Variants in PNPLA6 observed in about 807,000 individuals in gnomAD.
The protein encoded by PNPLA6 is patatin-like phospholipase domain-containing protein 6.
A neutral mutation model predicts 153.7 loss-of-function variants in PNPLA6; 105 were observed. That is an observed-to-expected ratio of 0.68 (90% CI 0.58 to 0.80). PNPLA6 has a LOEUF of 0.80. PNPLA6 is among the 30% of genes least tolerant of loss of function. The pLI, the probability that PNPLA6 is intolerant of heterozygous loss-of-function variation, is 0.00. For synonymous variants in PNPLA6, 825 were observed against 822.2 expected (o/e 1.00, Z -0.06); for missense variants, 1,423 against 1,919.3 (o/e 0.74, Z 4.83).
In PNPLA6 at chr19:7,542,829, G is replaced by A. The variant is rs773018957; in HGVS notation, c.1431G>A (p.Ser477=). 17 of 1,612,958 alleles carry A rather than the reference G, an allele frequency of 1.1e-5. No individual in the cohort carries two copies. Among genetic ancestry groups the A allele is most frequent in the East Asian group, 4.5e-5 (2 of 44,878 alleles). ...AATACAGCTACTGTGAGGATGAGTC[G>A]GCCACTGGTGGCTGCCCTTTCGGGC... ...ACEYSYCEDE[S]ATGGCPFGPY... The change falls in exon 12 of 32, where the codon TCG becomes TCA. Residue 477 remains serine (S), a synonymous_variant. Coordinates refer to ENST00000600737, the MANE Select transcript of PNPLA6 (RefSeq NM_001166114.2).
rs1283428626 is a variant in PNPLA6, at chr19:7,540,378, T to C, written c.714+70T>C. 2 of 1,507,590 alleles carry C rather than the reference T, an allele frequency of 1.3e-6. No individual in the cohort carries two copies. Among genetic ancestry groups the C allele is most frequent in the Non-Finnish European group, 9.0e-7 (1 of 1,115,980 alleles). 93.4% of individuals were successfully genotyped at this position (1,507,590 alleles called of 1,614,324 possible). On this transcript the variant is annotated intron_variant, in intron 5 of 31. Transcript: ENST00000600737. This position sits in a 1 kb window ranked among gnomAD's most constrained non-coding sequence, Gnocchi z 6.8. ...GGGATGGGCAGCAGGCATTGGTCTG[T>C]AGAGCTGGTGGTCTTTGGAGATGCG... is the stretch of plus-strand genomic sequence containing the variant.
At position 7,540,824 on chromosome 19, in the gene PNPLA6, T is replaced by C; in HGVS notation, c.796-99T>C. ...TCTGGTTCATCCGTTATGCTGCCGA[T>C]GGCCCCTCACGGGACTGGCGCCAGG... On this transcript the variant is annotated intron_variant, in intron 6 of 31. Transcript: ENST00000600737. This position sits in a 1 kb window ranked among gnomAD's most constrained non-coding sequence, Gnocchi z 6.8. 2 of 1,566,542 alleles carry C rather than the reference T, an allele frequency of 1.3e-6. No homozygotes were observed. The highest frequency in any genetic ancestry group is 1.8e-6 in the Non-Finnish European group (2 of 1,137,320).
rs150230845 is a variant in PNPLA6 at position 7,558,983 on chromosome 19, G to A, written c.3531G>A (p.Trp1177Ter). ...WWLLWKRLNP[W>*]ADKVKVPDMA... ...TGCTGTGGAAGCGGCTGAATCCCTGGGCTGACAAGGTAAAGGTTCCAGACA... is the reference window on the plus strand; with the variant it reads ...TGCTGTGGAAGCGGCTGAATCCCTGAGCTGACAAGGTAAAGGTTCCAGACA... Residue 1177 changes from tryptophan (W) to a stop codon, truncating the protein, a stop_gained, in exon 28 of 32, where the codon TGG becomes TGA. Transcript: ENST00000600737. LOFTEE classifies it high-confidence loss of function. 1 of 1,614,092 alleles carries A rather than the reference G, an allele frequency of 6.2e-7. No individual in the cohort carries two copies. Among genetic ancestry groups the A allele is most frequent in the Non-Finnish European group, 8.5e-7 (1 of 1,180,054 alleles).
At position 7,561,286 on chromosome 19, in the gene PNPLA6, A is replaced by T. The variant is rs771807857; in HGVS notation, c.3992A>T (p.Glu1331Val). Residue 1331 changes from glutamate to valine, a missense_variant, in exon 31 of 32, where the codon GAG (glutamate) becomes GTG (valine). Physicochemically the swap from Glu to Val is moderately radical, Grantham distance 121. Around this residue, in one of 10 missense-constraint regions of PNPLA6, gnomAD observed 643 missense variants for 835.2 expected, o/e 0.77. Coordinates refer to ENST00000600737, the MANE Select transcript of PNPLA6 (RefSeq NM_001166114.2). ...DCSRDEGGSP[E>V]GASPSTASEM... ...TCGAGGGATGAAGGGGGGTCCCCCG[A>T]GGGCGCAAGCCCCAGCACTGCCTCC... 4.4e-6 allele frequency: 7 copies of T among 1,608,356 alleles called. No homozygotes were observed. In the South Asian group the frequency reaches 7.8e-5, roughly 18 times the overall value.
intron 13 of PNPLA6, among the ~76,000 whole-genome samples, chr19:7,544,810 G>A (rs570745737): frequency 1.4e-4 from 21 of 152,266 alleles, no homozygotes; most frequent in African/African-American, 5.1e-4. Context: ...TGGAGAGGAA[G>A]TCAAGGCTTT....
At position 7,541,935 on chromosome 19, in the gene PNPLA6, C is replaced by A; in HGVS notation, c.1169-49C>A. 1 of 1,489,962 alleles carries A rather than the reference C, an allele frequency of 6.7e-7. No individual in the cohort carries two copies. Among genetic ancestry groups the A allele is most frequent in the Non-Finnish European group, 9.3e-7 (1 of 1,074,570 alleles). 92.3% of individuals were successfully genotyped at this position (1,489,962 alleles called of 1,614,324 possible). ...TCTCCTTATCTCCCAACCTGCTAAT[C>A]CTCCTAGTGGCTCTGAGGGGCAGGA... On this transcript the variant is annotated intron_variant, in intron 9 of 31. Coordinates refer to ENST00000600737, the MANE Select transcript of PNPLA6 (RefSeq NM_001166114.2). The surrounding 1 kb of genome is among the most constrained non-coding windows in gnomAD (Gnocchi z 5.2).
At chr19:7,550,956 C>G (rs2023616601) in intron 16 of PNPLA6, 38 bp from the exon 17 acceptor site, 1 of 1,424,380 alleles carries the variant, frequency 7.0e-7, no homozygotes, top group African/African-American at 1.4e-5. Flanking sequence ...TCCTCATTCC[C>G]CACCCAAGCA....
In PNPLA6 at chr19:7,540,755, C is replaced by G. The variant is rs374345971; in HGVS notation, c.795+45C>G. On this transcript the variant is annotated intron_variant, in intron 6 of 31. Transcript: ENST00000600737. This position sits in a 1 kb window ranked among gnomAD's most constrained non-coding sequence, Gnocchi z 6.8. ...GGCAGGGGGGCTGGGGTGCAAGGTC[C>G]CACCCAAGGGACTAGGTTGAAGGAA... The G allele has an allele frequency of 1.5e-5, 23 of 1,555,426 alleles. No individual in the cohort carries two copies. Among genetic ancestry groups the G allele is most frequent in the Non-Finnish European group, 2.0e-5 (23 of 1,126,526 alleles).
chr19:7,559,572 C>T (rs1467736180), intron 28 of PNPLA6, among the ~76,000 whole-genome samples: 2 of 152,166 alleles, frequency 1.3e-5, no homozygotes, highest in African/African-American at 4.8e-5. Flanking sequence ...GGCATGGTGG[C>T]TCATGCTTGT....
At position 7,557,263 on chromosome 19, in the gene PNPLA6, G is replaced by A. The variant is rs1204028385; in HGVS notation, c.3376G>A (p.Gly1126Ser). ...PKDGHLLMDG[G>S]YINNLPADIA... is the part of the protein sequence containing the mutation. ...GGACGGGCACCTACTCATGGATGGC[G>A]GCTACATCAACAATCTGCCAGGCAA... The change falls in exon 27 of 32, where the codon GGC becomes AGC. Residue 1126 changes from glycine (G) to serine (S), a missense_variant. Coordinates refer to ENST00000600737, the MANE Select transcript of PNPLA6 (RefSeq NM_001166114.2). The A allele has an allele frequency of 1.2e-6, 2 of 1,611,430 alleles. No homozygotes were observed. The highest frequency in any genetic ancestry group is 2.2e-5 in the East Asian group (1 of 44,878).
intron 18 of PNPLA6, among the ~76,000 whole-genome samples, chr19:7,553,399 A>T (rs1231375414): frequency 6.6e-6 from 1 of 152,132 alleles, no homozygotes; most frequent in African/African-American, 2.4e-5. Context: ...TTACAGGTGT[A>T]TGCCACCATG....
intron 13 of PNPLA6, among the ~76,000 whole-genome samples, chr19:7,549,400 A>G (rs924592879): frequency 1.9e-4 from 28 of 151,086 alleles, no homozygotes; most frequent in Non-Finnish European, 2.8e-4. Flanking sequence ...ATTAGCCAGG[A>G]TGGTCTCGAT....
At chr19:7,543,994 T>C (rs1051710954) in intron 13 of PNPLA6, among the ~76,000 whole-genome samples, 4 of 150,430 alleles carry the variant, frequency 2.7e-5, no homozygotes, top group Non-Finnish European at 5.9e-5. Context: ...TTTGTATTTT[T>C]ACTAGAGAGG....
Position 7,550,312 on chromosome 19 carries a change from A to T in PNPLA6, c.1829A>T (p.Gln610Leu). The change falls in exon 15 of 32, where the codon CAG becomes CTG. Residue 610 changes from glutamine (Q) to leucine (L), a missense_variant. Around this residue, in one of 10 missense-constraint regions of PNPLA6, gnomAD observed 119 missense variants for 163.7 expected, o/e 0.73. Coordinates refer to ENST00000600737, the MANE Select transcript of PNPLA6 (RefSeq NM_001166114.2). ...TGTTCCTGCAGGATCATGCGCGCAC[A>T]GCCCAGTGTGGTGCTGAGTGCGGCG... ...KSDFYEIMRA[Q>L]PSVVLSAAHT... The T allele has an allele frequency of 6.2e-7, 1 of 1,612,884 alleles. No individual in the cohort carries two copies. Among genetic ancestry groups the T allele is most frequent in the Non-Finnish European group, 8.5e-7 (1 of 1,180,048 alleles).
At position 7,550,659 on chromosome 19, in the gene PNPLA6, C is replaced by T; in HGVS notation, c.2070+19C>T. 6.2e-7 allele frequency: 1 copy of T among 1,609,224 alleles called. No individual in the cohort carries two copies. The highest frequency in any genetic ancestry group is 8.5e-7 in the Non-Finnish European group (1 of 1,179,400). On this transcript the variant is annotated intron_variant, in intron 16 of 31. Transcript: ENST00000600737. ...CGGCGTGGTGAGCGCGACCCCCACC[C>T]ACTGACCTCTGGCCTTTTCCAGGCC... is the stretch of plus-strand genomic sequence containing the variant.
rs200579809 is a variant in PNPLA6, at chr19:7,561,199, C to G, written c.3914-9C>G. 6.2e-7 allele frequency: 1 copy of G among 1,602,338 alleles called. No individual in the cohort carries two copies. Among genetic ancestry groups the G allele is most frequent in the Non-Finnish European group, 8.5e-7 (1 of 1,173,824 alleles). ...ATCCCCTCACCTGTGCCCTGCTCCC[C>G]GATTCCAGGAGAGGAGTCAGATTGT... On this transcript the variant is annotated splice_polypyrimidine_tract_variant and intron_variant, in intron 30 of 31. Coordinates refer to ENST00000600737, the MANE Select transcript of PNPLA6 (RefSeq NM_001166114.2).
At position 7,541,339 on chromosome 19, in the gene PNPLA6, C is replaced by T. The variant is rs764113115; in HGVS notation, c.925-15C>T. 3.2e-5 allele frequency: 52 copies of T among 1,611,954 alleles called. No homozygotes were observed. The highest frequency in any genetic ancestry group is 1.2e-5 in the Non-Finnish European group (14 of 1,178,542). ...CCCCGCCCCATCTTATGGCCACGCC[C>T]CTCGAGCCCTGCAGATCATCATGGT... On this transcript the variant is annotated splice_polypyrimidine_tract_variant and intron_variant, in intron 7 of 31. Transcript: ENST00000600737. The surrounding 1 kb of genome is among the most constrained non-coding windows in gnomAD (Gnocchi z 5.2).
rs8100621 is a variant in PNPLA6 at position 7,560,988 on chromosome 19, A to G, written c.3817-26A>G. The G allele has an allele frequency of 8.6e-3, 13,178 of 1,534,956 alleles. 874 individuals are homozygous for G. In the African/African-American group the frequency reaches 0.15, roughly 18 times the overall value. ...CCCAAGACTCTGTGGGCCCCCCCTA[A>G]GAGCCTCACCAGTGTCACCCCACAG... is the stretch of plus-strand genomic sequence containing the variant. On this transcript the variant is annotated intron_variant, in intron 29 of 31. Coordinates refer to ENST00000600737, the MANE Select transcript of PNPLA6 (RefSeq NM_001166114.2).
chr19:7,541,418 A>G lies in PNPLA6; in HGVS notation c.989A>G (p.Asn330Ser), dbSNP rs1183371584. 1.9e-6 allele frequency: 3 copies of G among 1,613,788 alleles called. No homozygotes were observed. Among genetic ancestry groups the G allele is most frequent in the African/African-American group, 2.7e-5 (2 of 74,888 alleles). ...LALHNYLGLTNELFSHEIQPL... is the reference protein window; with the variant it reads ...LALHNYLGLTSELFSHEIQPL... ...CTGCACAACTACCTGGGTCTGACCA[A>G]TGAGCTCTTCAGCCACGTGAGTGGG... The change falls in exon 8 of 32, where the codon AAT becomes AGT. Residue 330 changes from asparagine (N) to serine (S), a missense_variant. Around this residue, in one of 10 missense-constraint regions of PNPLA6, gnomAD observed 4 missense variants for 21.0 expected, o/e 0.19. Transcript: ENST00000600737. The surrounding 1 kb of genome is among the most constrained non-coding windows in gnomAD (Gnocchi z 5.2).
Sources: allele counts gnomAD v4.1 joint callset (sites outside exome capture counted in the v4.1 genomes callset), GRCh38; gene constraint gnomAD v4.1.1; regional missense constraint gnomAD v4.1.1; non-coding constraint Gnocchi (gnomAD v3.1); transcripts MANE v1.5; gene names NCBI Gene and HGNC (gene_info 2026-07-23, HGNC 2026-07-21).